TSHZ2: variants seen among roughly 807,000 people sequenced by gnomAD.
TSHZ2 encodes the protein teashirt homolog 2.
A neutral mutation model predicts 74.4 loss-of-function variants in TSHZ2; 21 were observed. The observed-to-expected ratio is 0.28, with a 90% CI of 0.20 to 0.41. The LOEUF (loss-of-function observed/expected upper bound fraction) is 0.41. TSHZ2 is among the 10% of genes least tolerant of loss of function. TSHZ2 has a pLI of 1.00. For synonymous variants in TSHZ2, 540 were observed against 515.3 expected, an observed-to-expected ratio of 1.05 and a Z score of -0.65; for missense variants, 1,244 against 1,293.5, an observed-to-expected ratio of 0.96 and a Z score of 0.59.
chr20:53,334,915 C>G (rs1182590078), intron 2 of TSHZ2, among the ~76,000 whole-genome samples: 1 of 152,160 alleles, frequency 6.6e-6, no homozygotes, highest in Non-Finnish European at 1.5e-5. Context: ...AACTCCTGAC[C>G]TTATGATCCA....
At chr20:53,455,238 G>A (rs569927310) in intron 2 of TSHZ2, 3 of 152,212 alleles carry the variant, frequency 2.0e-5, no homozygotes, top group South Asian at 2.1e-4. Flanking sequence ...CCCTGCTTAC[G>A]GTCTTCACAG....
At chr20:53,315,955 G>C (rs957161265) in intron 2 of TSHZ2, among the ~76,000 whole-genome samples, 4 of 152,084 alleles carry the variant, frequency 2.6e-5, no homozygotes, top group African/African-American at 9.7e-5. Context: ...CATGGAAAAA[G>C]GAGCCGAGGA....
rs185780175 is a variant in TSHZ2 at position 53,089,192 on chromosome 20, C to T, written c.40+115859C>T. Among the ~76,000 whole-genome samples, 57 of 150,978 alleles carry T rather than the reference C, an allele frequency of 3.8e-4. 2 individuals are homozygous for T. The highest frequency in any genetic ancestry group is 1.3e-3 in the African/African-American group (54 of 41,088). ...GATCATGTCCAATAGGCCAAAGTGTCGAAAATAAATGTTAGCTCATAAAAC... is the reference window on the plus strand; with the variant it reads ...GATCATGTCCAATAGGCCAAAGTGTTGAAAATAAATGTTAGCTCATAAAAC... On this transcript the variant is annotated intron_variant, in intron 1 of 2. Transcript: ENST00000371497.
intron 2 of TSHZ2, among the ~76,000 whole-genome samples, chr20:53,473,851 G>C (rs960417269): frequency 6.6e-6 from 1 of 152,192 alleles, no homozygotes; most frequent in Non-Finnish European, 1.5e-5. Flanking sequence ...GGAGAACTAC[G>C]TGAAGAAGGC....
chr20:53,419,013 C>T (rs1983372620), intron 2 of TSHZ2, among the ~76,000 whole-genome samples: 1 of 152,218 alleles, frequency 6.6e-6, no homozygotes, highest in Non-Finnish European at 1.5e-5. Context: ...AAAGTTCAAG[C>T]CATCCTGTGC....
At chr20:53,408,696 C>G (rs1055343871) in intron 2 of TSHZ2, among the ~76,000 whole-genome samples, 12 of 152,162 alleles carry the variant, frequency 7.9e-5, no homozygotes, top group African/African-American at 2.7e-4. Context: ...TGTTTAAAGC[C>G]CAACCTGTCA....
intron 2 of TSHZ2, among the ~76,000 whole-genome samples, chr20:53,290,241 C>T (rs1335745130): frequency 4.0e-5 from 6 of 151,750 alleles, no homozygotes; most frequent in South Asian, 2.1e-4. Flanking sequence ...CCCCCACCCT[C>T]GTTTATATTT....
intron 1 of TSHZ2, among the ~76,000 whole-genome samples, chr20:53,147,527 C>A (rs555338168): frequency 5.5e-4 from 84 of 152,148 alleles, no homozygotes; most frequent in African/African-American, 2.0e-3. Context: ...CAATATTTTT[C>A]AAAGCTTTAA....
rs556590291 is a variant in TSHZ2, at chr20:53,244,865, T to C, written c.41-8634T>C. Among the ~76,000 whole-genome samples, 8 of 152,212 alleles carry C rather than the reference T, an allele frequency of 5.3e-5. No homozygotes were observed. The South Asian group carries it at 1.5e-3, about 28-fold the overall frequency. On this transcript the variant is annotated intron_variant, in intron 1 of 2. Transcript: ENST00000371497. ...TACCACTGGCTCCTTGTACAAGTGA[T>C]TTAATATTAAATAACAAACCCCAAA...
At chr20:53,205,119 GC>G (rs1380104570) in intron 1 of TSHZ2, among the ~76,000 whole-genome samples, 1 of 151,316 alleles carries the variant, frequency 6.6e-6, no homozygotes, top group East Asian at 1.9e-4. Flanking sequence ...TAAGAAACTT[GC>G]TAAGAGTCAC....
intron 2 of TSHZ2, among the ~76,000 whole-genome samples, chr20:53,486,779 TG>T (rs1197687051): frequency 1.3e-5 from 2 of 152,178 alleles, no homozygotes; most frequent in Non-Finnish European, 2.9e-5. Flanking sequence ...CTGTGGGGTA[TG>T]GATCTCATCA....
intron 1 of TSHZ2, among the ~76,000 whole-genome samples, chr20:53,200,470 C>T (rs1049369111): frequency 1.3e-5 from 2 of 152,154 alleles, no homozygotes; most frequent in Non-Finnish European, 2.9e-5. Context: ...TATGACGTTA[C>T]GGATAACTGT....
At chr20:53,481,573 G>T (rs1986151706) in intron 2 of TSHZ2, among the ~76,000 whole-genome samples, 1 of 150,700 alleles carries the variant, frequency 6.6e-6, no homozygotes, top group African/African-American at 2.4e-5. Context: ...GTGAGACCCT[G>T]TCTCAAAAAA....
intron 1 of TSHZ2, among the ~76,000 whole-genome samples, chr20:53,157,181 T>C (rs1329073801): frequency 6.6e-6 from 1 of 152,210 alleles, no homozygotes; most frequent in Non-Finnish European, 1.5e-5. Context: ...AGCTAATTTC[T>C]CAATTATGCT....
chr20:53,378,787 ATGT>A, intron 2 of TSHZ2, among the ~76,000 whole-genome samples: 1 of 152,218 alleles, frequency 6.6e-6, no homozygotes, highest in African/African-American at 2.4e-5. Context: ...TACCTTACAG[ATGT>A]TGCTTAGGAC....
intron 1 of TSHZ2, among the ~76,000 whole-genome samples, chr20:53,091,459 A>G (rs1164409168): frequency 6.6e-6 from 1 of 152,228 alleles, no homozygotes; most frequent in East Asian, 1.9e-4. Context: ...CTTTGCTGAA[A>G]ATATAGCTTA....
chr20:53,376,825 A>G lies in TSHZ2; in HGVS notation c.*9-110319A>G, dbSNP rs190226233. ...CCTTACATGGGCCAACTCTCCCTAG[A>G]GCAAGCACTCTCAGAGGCCCACAGA... On this transcript the variant is annotated intron_variant, in intron 2 of 2. Transcript: ENST00000371497. Among the ~76,000 whole-genome samples the G allele has an allele frequency of 4.2e-4, 64 of 152,322 alleles. No homozygotes were observed. The East Asian group carries it at 0.012, about 28-fold the overall frequency.
chr20:52,991,807 G>C (rs577640625), intron 1 of TSHZ2, among the ~76,000 whole-genome samples: 60 of 151,918 alleles, frequency 3.9e-4, no homozygotes, highest in African/African-American at 1.3e-3. Context: ...GTGTTGTGGG[G>C]AAAGAGTGTG....
intron 2 of TSHZ2, among the ~76,000 whole-genome samples, chr20:53,436,166 A>C (rs905620927): frequency 1.3e-5 from 2 of 152,200 alleles, no homozygotes; most frequent in Non-Finnish European, 2.9e-5. Flanking sequence ...TGAAGTATTT[A>C]ACACAGTATC....
Sources: allele counts gnomAD v4.1 joint callset (sites outside exome capture counted in the v4.1 genomes callset), GRCh38; gene constraint gnomAD v4.1.1; transcripts MANE v1.5; gene names NCBI Gene and HGNC (gene_info 2026-07-23, HGNC 2026-07-21).